Variants in PFKFB3 observed in about 807,000 individuals in gnomAD.
PFKFB3 encodes the protein 6-phosphofructo-2-kinase/fructose-2,6-bisphosphatase 3.
In PFKFB3, 33 loss-of-function variants were observed where a neutral mutation model predicts 68.0. The observed-to-expected ratio is 0.49, with a 90% CI of 0.37 to 0.65. PFKFB3 has a LOEUF of 0.65. Ranked by LOEUF, PFKFB3 falls within the 30% of genes least tolerant of loss-of-function variation. The probability of loss-of-function intolerance (pLI) is 0.00; values close to 1 mark genes in which losing one functional copy is unlikely to be tolerated. For missense variants in PFKFB3, 586 were observed against 712.2 expected, an observed-to-expected ratio of 0.82 and a Z score of 2.02; for synonymous variants, 315 against 288.2, an observed-to-expected ratio of 1.09 and a Z score of -0.94.
chr10:6,232,381 C>G (rs1278137732), intron 14 of PFKFB3, among the ~76,000 whole-genome samples: 1 of 151,006 alleles, frequency 6.6e-6, no homozygotes, highest in East Asian at 2.0e-4. Flanking sequence ...CTGGGCCTCC[C>G]CACCACGTCC....
intron 1 of PFKFB3, among the ~76,000 whole-genome samples, chr10:6,187,647 T>C (rs567041269): frequency 5.1e-4 from 78 of 152,354 alleles, no homozygotes; most frequent in African/African-American, 1.8e-3. Flanking sequence ...ATATTAGTGA[T>C]GTCTTGATTC....
chr10:6,242,295 C>A (rs1370191626), intron 14 of PFKFB3, among the ~76,000 whole-genome samples: 1 of 152,110 alleles, frequency 6.6e-6, no homozygotes, highest in Non-Finnish European at 1.5e-5. Context: ...TAGATGAATT[C>A]TTAAGTCTCT....
chr10:6,284,379 A>G, the PFKFB3 span, among the ~76,000 whole-genome samples: 3 of 152,208 alleles, frequency 2.0e-5, no homozygotes, highest in Admixed American at 2.0e-4. Flanking sequence ...GCACATATAC[A>G]TTAAAAATTG....
chr10:6,194,939 C>G lies in PFKFB3; in HGVS notation c.17-18684C>G, dbSNP rs532404614. Among the ~76,000 whole-genome samples the G allele has an allele frequency of 2.8e-4, 43 of 151,180 alleles. No homozygotes were observed. In the South Asian group the frequency reaches 7.9e-3, roughly 28 times the overall value. On this transcript the variant is annotated intron_variant, in intron 1 of 14. Transcript: ENST00000379789. ...CCAGGCTGGAATGCAGTGGCGCAAT[C>G]TCGGCTCACTGCAACCTCCGCCTCC...
chr10:6,186,706 C>T (rs539667660), intron 1 of PFKFB3, among the ~76,000 whole-genome samples: 231 of 152,230 alleles, frequency 1.5e-3, no homozygotes, highest in African/African-American at 5.4e-3. Context: ...CTATGCTGCC[C>T]AGGCTGGTCT....
the PFKFB3 span, among the ~76,000 whole-genome samples, chr10:6,299,161 G>C: frequency 6.6e-6 from 1 of 152,168 alleles, no homozygotes; most frequent in Non-Finnish European, 1.5e-5. Flanking sequence ...AGCATTAATG[G>C]CTCACTCTCC....
At chr10:6,168,275 C>T (rs1178902147) in intron 1 of PFKFB3, among the ~76,000 whole-genome samples, 1 of 152,218 alleles carries the variant, frequency 6.6e-6, no homozygotes, top group South Asian at 2.1e-4. Context: ...TGGCCACCCA[C>T]ACTGACCATG....
chr10:6,323,355 G>A, the PFKFB3 span, among the ~76,000 whole-genome samples: 8 of 152,286 alleles, frequency 5.3e-5, no homozygotes, highest in East Asian at 5.8e-4. Flanking sequence ...CCGAAGCCTC[G>A]AGAAGGAAGA....
chr10:6,190,204 A>G (rs949027606), intron 1 of PFKFB3, among the ~76,000 whole-genome samples: 1 of 152,134 alleles, frequency 6.6e-6, no homozygotes, highest in Non-Finnish European at 1.5e-5. Flanking sequence ...TTGGCCTCTC[A>G]AAGTGCTGAG....
At chr10:6,153,394 G>A (rs1353702052) in intron 1 of PFKFB3, among the ~76,000 whole-genome samples, 2 of 152,126 alleles carry the variant, frequency 1.3e-5, no homozygotes, top group African/African-American at 4.8e-5. Flanking sequence ...GACAAACCTC[G>A]GCCATGGAGC....
At position 6,228,805 on chromosome 10, in the gene PFKFB3, C is replaced by T. The variant is rs903411786; in HGVS notation, c.1515+2440C>T. ...GGATCCGTTTGTCCTGGGTTGGAGC[C>T]TGCTCAGCGTCATAGTCACGCCCGG... On this transcript the variant is annotated intron_variant, in intron 14 of 14. Coordinates refer to ENST00000379775, the MANE Select transcript of PFKFB3 (RefSeq NM_004566.4). This position sits in a 1 kb window ranked among gnomAD's most constrained non-coding sequence, Gnocchi z 4.5. Among the ~76,000 whole-genome samples the T allele has an allele frequency of 1.3e-5, 2 of 152,200 alleles. No individual in the cohort carries two copies. Among genetic ancestry groups the T allele is most frequent in the Non-Finnish European group, 2.9e-5 (2 of 68,026 alleles).
chr10:6,310,437 C>G, the PFKFB3 span, among the ~76,000 whole-genome samples: 1 of 152,088 alleles, frequency 6.6e-6, no homozygotes, highest in Non-Finnish European at 1.5e-5. Context: ...TCGCGAGTCT[C>G]TGCGCTGGTG....
the PFKFB3 span, among the ~76,000 whole-genome samples, chr10:6,271,406 A>G: frequency 1.3e-5 from 2 of 152,252 alleles, no homozygotes; most frequent in African/African-American, 2.4e-5. Flanking sequence ...GGGAGCCAAG[A>G]GGCGGGAAGT....
chr10:6,214,983 G>A (rs577867852), intron 2 of PFKFB3, among the ~76,000 whole-genome samples: 1 of 152,336 alleles, frequency 6.6e-6, no homozygotes, highest in African/African-American at 2.4e-5. Context: ...GGACAGTGTC[G>A]CAGAGCATGC....
At chr10:6,268,124 G>A in the PFKFB3 span, among the ~76,000 whole-genome samples, 1 of 151,962 alleles carries the variant, frequency 6.6e-6, no homozygotes, top group Non-Finnish European at 1.5e-5. Context: ...CCACTTCCAT[G>A]GTCTGGAAGC....
At chr10:6,306,940 T>C in the PFKFB3 span, among the ~76,000 whole-genome samples, 1 of 152,256 alleles carries the variant, frequency 6.6e-6, no homozygotes, top group Non-Finnish European at 1.5e-5. Flanking sequence ...TTAAACATTA[T>C]GCTGAGTGTT....
At chr10:6,209,909 C>T (rs572738926) in intron 1 of PFKFB3, among the ~76,000 whole-genome samples, 3 of 151,392 alleles carry the variant, frequency 2.0e-5, no homozygotes, top group Admixed American at 6.6e-5. Flanking sequence ...GGACTACAGG[C>T]GCCTGCCATC....
chr10:6,160,308 T>C (rs995264576), intron 1 of PFKFB3, among the ~76,000 whole-genome samples: 1 of 152,112 alleles, frequency 6.6e-6, no homozygotes, highest in African/African-American at 2.4e-5. Context: ...AAGAGGGCCA[T>C]TCAGGGATCA....
exon 1 of PFKFB3, chr10:6,144,964 G>A (rs1235465950): frequency 1.6e-6 from 2 of 1,274,198 alleles, no homozygotes; most frequent in South Asian, 5.2e-5. Context: ...TCTGGGTGTC[G>A]CGGGCCGGCC....
Sources: allele counts gnomAD v4.1 joint callset (sites outside exome capture counted in the v4.1 genomes callset), GRCh38; gene constraint gnomAD v4.1.1; non-coding constraint Gnocchi (gnomAD v3.1); transcripts MANE v1.5; gene names NCBI Gene and HGNC (gene_info 2026-07-23, HGNC 2026-07-21).